The following CHL1 variants were observed in gnomAD, a reference collection of about 807,000 sequenced individuals.
CHL1 encodes neural cell adhesion molecule L1-like protein.
Under a neutral mutation model 141.9 loss-of-function variants are expected in CHL1, and 96 were observed. The observed-to-expected ratio is 0.68, with a 90% CI of 0.57 to 0.80. The LOEUF (loss-of-function observed/expected upper bound fraction) is 0.80. Among genes scored for constraint, CHL1 ranks in the 30% least tolerant of loss-of-function variants. The pLI is 0.00. For missense variants in CHL1, 1,820 were observed against 1,457.2 expected (o/e 1.25, Z -4.05); for synonymous variants, 613 against 502.2 (o/e 1.22, Z -2.95).
rs750417394 is a variant in CHL1 at position 319,728 on chromosome 3, A to G, written c.-49A>G. ...TCAGCTGTAAACCAAAAGTGAGAGG[A>G]GACATTAAGATTTTCATTCTTACCG... is the stretch of plus-strand genomic sequence containing the variant. On this transcript the variant is annotated 5_prime_UTR_variant, in exon 3 of 28. Coordinates refer to ENST00000256509, the MANE Select transcript of CHL1 (RefSeq NM_006614.4). The G allele has an allele frequency of 1.6e-6, 2 of 1,215,282 alleles. No individual in the cohort carries two copies. Among genetic ancestry groups the G allele is most frequent in the South Asian group, 1.3e-5 (1 of 79,290 alleles). The allele number at this position is 1,215,282 out of a possible 1,614,324, so 75.3% of individuals were successfully genotyped here.
In CHL1 at chr3:351,686, C is replaced by A. The variant is rs923424624; in HGVS notation, c.1033+2143C>A. Among the ~76,000 whole-genome samples the A allele has an allele frequency of 3.0e-4, 45 of 152,086 alleles. 1 individual carries two copies. Among genetic ancestry groups the A allele is most frequent in the Non-Finnish European group, 1.5e-5 (1 of 68,012 alleles). On this transcript the variant is annotated intron_variant, in intron 10 of 27. Coordinates refer to ENST00000256509, the MANE Select transcript of CHL1 (RefSeq NM_006614.4). ...AACACCCATTGTGCTTAAGTAAAATCATGGATTCGATTGGATTCTTTCTGT... is the reference window on the plus strand; with the variant it reads ...AACACCCATTGTGCTTAAGTAAAATAATGGATTCGATTGGATTCTTTCTGT...
intron 2 of CHL1, among the ~76,000 whole-genome samples, chr3:267,663 C>CGT (rs945082815): frequency 6.6e-6 from 1 of 152,040 alleles, no homozygotes; most frequent in African/African-American, 2.4e-5. Context: ...CTAATTAAAC[C>CGT]GTGTGTGTAT....
At chr3:205,849 A>C (rs1045077448) in intron 1 of CHL1, among the ~76,000 whole-genome samples, 1 of 152,182 alleles carries the variant, frequency 6.6e-6, no homozygotes, top group African/African-American at 2.4e-5. Context: ...GATTTGAGGA[A>C]AGTACTATTA....
chr3:223,218 T>G (rs1701011804), intron 1 of CHL1, among the ~76,000 whole-genome samples: 1 of 152,174 alleles, frequency 6.6e-6, no homozygotes, highest in South Asian at 2.1e-4. Context: ...TAAAATTAAG[T>G]GACATTCGGG....
intron 23 of CHL1, among the ~76,000 whole-genome samples, chr3:393,430 C>T (rs1233289697): frequency 6.6e-6 from 1 of 152,010 alleles, no homozygotes. Context: ...GGAAACTCAA[C>T]TAATTAAATT....
At chr3:221,599 G>A (rs903018055) in intron 1 of CHL1, among the ~76,000 whole-genome samples, 4 of 152,216 alleles carry the variant, frequency 2.6e-5, no homozygotes, top group African/African-American at 9.7e-5. Flanking sequence ...AAGAGGAAAA[G>A]TAGAGGGAAT....
chr3:391,619 G>T (rs1487020629), intron 22 of CHL1, 56 bp from the exon 23 acceptor site: 1 of 1,293,208 alleles, frequency 7.7e-7, no homozygotes, highest in South Asian at 1.3e-5. Flanking sequence ...ATATAATAAG[G>T]CTTTTTTGAA....
chr3:342,703 G>C (rs776813441), intron 7 of CHL1, among the ~76,000 whole-genome samples: 3 of 152,146 alleles, frequency 2.0e-5, no homozygotes, highest in African/African-American at 4.8e-5. Context: ...TCATTTTTAT[G>C]TGTAGATATG....
chr3:374,254 T>G (rs993030367), intron 15 of CHL1, among the ~76,000 whole-genome samples: 2 of 152,160 alleles, frequency 1.3e-5, no homozygotes, highest in South Asian at 2.1e-4. Flanking sequence ...AGGCAGTGTA[T>G]GTATTACAAC....
intron 2 of CHL1, among the ~76,000 whole-genome samples, chr3:269,051 C>G (rs1459332470): frequency 1.3e-5 from 2 of 152,122 alleles, no homozygotes; most frequent in African/African-American, 4.8e-5. Flanking sequence ...ATACCATTTA[C>G]TAAAGAGAGA....
At chr3:401,300 A>G (rs1443044902) in intron 26 of CHL1, among the ~76,000 whole-genome samples, 1 of 152,192 alleles carries the variant, frequency 6.6e-6, no homozygotes, top group Non-Finnish European at 1.5e-5. Context: ...AATATTTAGT[A>G]ATTTGGTCTT....
chr3:343,135 T>TTA, intron 8 of CHL1, 104 bp downstream of exon 8: 2 of 848,508 alleles, frequency 2.4e-6, no homozygotes, highest in Non-Finnish European at 3.6e-6. Flanking sequence ...TACAATACTG[T>TTA]TATTATGAAA....
chr3:373,101 A>C (rs916459829), intron 15 of CHL1, among the ~76,000 whole-genome samples: 2 of 152,232 alleles, frequency 1.3e-5, no homozygotes, highest in Admixed American at 6.5e-5. Context: ...GGGGAATAGG[A>C]CCCATCTAAT....
At chr3:246,624 C>A (rs1013294495) in intron 2 of CHL1, 1 of 151,976 alleles carries the variant, frequency 6.6e-6, no homozygotes. Context: ...AATTTTAAAA[C>A]GATGGAGTAA....
intron 1 of CHL1, among the ~76,000 whole-genome samples, chr3:226,154 G>A (rs547776779): frequency 1.7e-4 from 25 of 150,384 alleles, no homozygotes; most frequent in African/African-American, 5.6e-4. Flanking sequence ...CTGAGTAGCT[G>A]GGACTACAGG....
chr3:363,507 A>G, intron 14 of CHL1, 124 bp downstream of exon 14: 1 of 889,514 alleles, frequency 1.1e-6, no homozygotes, highest in Non-Finnish European at 1.7e-6. Context: ...ACCGTTTTTC[A>G]AAATTCCTAG....
At chr3:400,099 G>A (rs1272888653) in intron 26 of CHL1, among the ~76,000 whole-genome samples, 1 of 152,154 alleles carries the variant, frequency 6.6e-6, no homozygotes, top group African/African-American at 2.4e-5. Flanking sequence ...TAGTATTCAT[G>A]ATGCTTTTAT....
chr3:207,301 A>G (rs1699526406), intron 1 of CHL1, among the ~76,000 whole-genome samples: 1 of 152,220 alleles, frequency 6.6e-6, no homozygotes. Context: ...GCTAGACAGG[A>G]GATCCCACTT....
At chr3:389,571 T>G (rs1708056726) in intron 20 of CHL1, 97 bp downstream of exon 20, 1 of 898,908 alleles carries the variant, frequency 1.1e-6, no homozygotes, top group Non-Finnish European at 1.8e-6. Context: ...AACTACTGCA[T>G]GCAAAGAGGA....
Sources: gnomAD v4.1 joint callset for allele counts (sites outside exome capture counted in the v4.1 genomes callset) on GRCh38, gnomAD v4.1.1 for gene constraint, MANE v1.5 for transcripts, NCBI Gene and HGNC (gene_info 2026-07-23, HGNC 2026-07-21) for gene names.